Variants in DAB1 observed in about 807,000 individuals in gnomAD.
The protein encoded by DAB1 is disabled homolog 1.
Under a neutral mutation model 64.6 loss-of-function variants are expected in DAB1, and 15 were observed. The observed-to-expected ratio is 0.23, with a 90% CI of 0.16 to 0.36. The LOEUF is 0.36. Among genes scored for constraint, DAB1 ranks in the 10% least tolerant of loss-of-function variants. The pLI is 1.00. For missense variants in DAB1, 596 were observed against 706.7 expected (o/e 0.84, Z 1.78); for synonymous variants, 235 against 251.9 (o/e 0.93, Z 0.64).
chr1:57,633,913 A>G (rs1227095512), intron 7 of DAB1, among the ~76,000 whole-genome samples: 4 of 152,210 alleles, frequency 2.6e-5, no homozygotes, highest in African/African-American at 4.8e-5. Context: ...ACGTTTGTCA[A>G]TATTTTTAAT....
intron 7 of DAB1, among the ~76,000 whole-genome samples, chr1:57,467,678 T>C (rs535389211): frequency 2.0e-5 from 3 of 152,250 alleles, no homozygotes; most frequent in Admixed American, 1.3e-4. Context: ...AGCACAGTGC[T>C]AGATGGTATA....
intron 1 of DAB1, among the ~76,000 whole-genome samples, chr1:57,842,219 T>G (rs1653085305): frequency 6.6e-6 from 1 of 152,178 alleles, no homozygotes; most frequent in Non-Finnish European, 1.5e-5. Context: ...TTATCTTTAC[T>G]CCAGTTCCCA....
intron 1 of DAB1, among the ~76,000 whole-genome samples, chr1:57,395,709 T>C (rs1570442344): frequency 1.3e-5 from 2 of 151,726 alleles, no homozygotes. Flanking sequence ...TTAATTTAAG[T>C]TTAAATAGCC....
At chr1:57,918,068 A>G (rs1402513392) in intron 5 of DAB1, among the ~76,000 whole-genome samples, 2 of 38,126 alleles carry the variant, frequency 5.2e-5, no homozygotes, top group African/African-American at 1.6e-4. Context: ...ACTCCGTCTC[A>G]ATAAATAAAT....
At chr1:57,807,283 A>T (rs1478734108) in intron 6 of DAB1, among the ~76,000 whole-genome samples, 2 of 152,094 alleles carry the variant, frequency 1.3e-5, no homozygotes, top group African/African-American at 2.4e-5. Flanking sequence ...AGGGCCCTAT[A>T]ACTTGGTTTG....
At chr1:57,413,470 G>A (rs906630502) in intron 1 of DAB1, among the ~76,000 whole-genome samples, 3 of 152,028 alleles carry the variant, frequency 2.0e-5, no homozygotes, top group Non-Finnish European at 2.9e-5. Context: ...GGCCCAGCGC[G>A]GTGGCTCATG....
chr1:58,079,531 T>C lies in DAB1; in HGVS notation n.387+70980A>G, dbSNP rs940284395. ...GCATACCATCTTTTTTTTTTTTTTT[T>C]TTTTTTTTTGAGATGGAGTCTCGCT... On this transcript the variant is annotated intron_variant and non_coding_transcript_variant, in intron 5 of 20. Transcript: ENST00000485760. 7.4e-4 allele frequency among the ~76,000 whole-genome samples: 106 copies of C among 142,370 alleles called. No homozygotes were observed. The Middle Eastern group carries it at 0.017, about 23-fold the overall frequency. 93.4% of individuals were successfully genotyped at this position (142,370 alleles called of 152,430 possible). A position where few individuals can be genotyped will look rare whatever the true frequency, so the allele number is the denominator to read the frequency against.
intron 5 of DAB1, among the ~76,000 whole-genome samples, chr1:58,139,820 G>T (rs1654174589): frequency 6.6e-6 from 1 of 152,126 alleles, no homozygotes; most frequent in Non-Finnish European, 1.5e-5. Flanking sequence ...CCTATAAAAT[G>T]GTGTAACACT....
chr1:57,963,202 C>T (rs1311743800), intron 5 of DAB1, among the ~76,000 whole-genome samples: 1 of 152,050 alleles, frequency 6.6e-6, no homozygotes, highest in Non-Finnish European at 1.5e-5. Context: ...AGTCTAGAAG[C>T]CAAACAGATA....
At chr1:58,052,936 C>A (rs1207910113) in intron 5 of DAB1, among the ~76,000 whole-genome samples, 1 of 152,178 alleles carries the variant, frequency 6.6e-6, no homozygotes. Flanking sequence ...TGGCCTTAGG[C>A]TGCTTCCACT....
chr1:57,382,716 G>T (rs1302022778), intron 1 of DAB1, among the ~76,000 whole-genome samples: 3 of 152,112 alleles, frequency 2.0e-5, no homozygotes, highest in Non-Finnish European at 2.9e-5. Flanking sequence ...GCCGGGGAAA[G>T]GTTCTCAGCT....
chr1:57,041,918 T>C lies in DAB1; in HGVS notation c.724-15875A>G, dbSNP rs530386165. On this transcript the variant is annotated intron_variant, in intron 9 of 14. Coordinates refer to ENST00000371236, the MANE Select transcript of DAB1 (RefSeq NM_001365792.1). ...ACCTTCAACTTTCTCAAAAACATGA[T>C]AATAATAGTGGCAGATTTGGGATGA... is the stretch of plus-strand genomic sequence containing the variant. Among the ~76,000 whole-genome samples the C allele has an allele frequency of 5.3e-5, 8 of 152,308 alleles. No homozygotes were observed. The South Asian group carries it at 1.7e-3, about 32-fold the overall frequency.
chr1:58,059,282 G>T (rs1428482810), intron 5 of DAB1, among the ~76,000 whole-genome samples: 1 of 152,196 alleles, frequency 6.6e-6, no homozygotes, highest in Non-Finnish European at 1.5e-5. Context: ...CTATACTCTA[G>T]CTGTGTAGTC....
upstream of DAB1, among the ~76,000 whole-genome samples, chr1:57,424,284 G>A (rs1685170543): frequency 6.6e-6 from 1 of 151,590 alleles, no homozygotes; most frequent in Admixed American, 6.6e-5. Flanking sequence ...CAGCCGGAGC[G>A]CGCTCCGAGA....
At chr1:58,426,990 T>G (rs1009909352) in intron 3 of DAB1, among the ~76,000 whole-genome samples, 8 of 152,126 alleles carry the variant, frequency 5.3e-5, no homozygotes, top group African/African-American at 9.7e-5. Context: ...TATTCACCTT[T>G]TGGATATTTC....
intron 6 of DAB1, among the ~76,000 whole-genome samples, chr1:57,778,727 A>G (rs1649931715): frequency 6.6e-6 from 1 of 152,110 alleles, no homozygotes; most frequent in African/African-American, 2.4e-5. Flanking sequence ...CAATTTACCC[A>G]TTTGTAAAAT....
At chr1:57,588,087 A>G (rs2101565124) in intron 7 of DAB1, among the ~76,000 whole-genome samples, 1 of 152,274 alleles carries the variant, frequency 6.6e-6, no homozygotes, top group Non-Finnish European at 1.5e-5. Context: ...TTTGGGTGAG[A>G]TCTTTGGTTG....
chr1:58,350,063 C>T (rs1406794538), intron 3 of DAB1, among the ~76,000 whole-genome samples: 1 of 152,192 alleles, frequency 6.6e-6, no homozygotes, highest in Non-Finnish European at 1.5e-5. Context: ...AACTAATTTA[C>T]ACTCCCACCA....
chr1:57,420,770 G>T (rs1684830832), intron 1 of DAB1, among the ~76,000 whole-genome samples: 1 of 152,180 alleles, frequency 6.6e-6, no homozygotes, highest in Non-Finnish European at 1.5e-5. Context: ...TGCAGATGAT[G>T]AAAGCAAGGT....
Sources: allele counts gnomAD v4.1 joint callset (sites outside exome capture counted in the v4.1 genomes callset), GRCh38; gene constraint gnomAD v4.1.1; transcripts MANE v1.5; gene names NCBI Gene and HGNC (gene_info 2026-07-23, HGNC 2026-07-21).